The following PAX3 variants were observed in gnomAD, a reference collection of about 807,000 sequenced individuals.
PAX3 encodes the protein paired box protein Pax-3.
A neutral mutation model predicts 51.6 loss-of-function variants in PAX3; 14 were observed. That is an observed-to-expected ratio of 0.27 (90% CI 0.18 to 0.42). The LOEUF (loss-of-function observed/expected upper bound fraction) is 0.42, where lower values mean the gene tolerates loss of function less well. Among genes scored for constraint, PAX3 ranks in the 10% least tolerant of loss-of-function variants. The probability of loss-of-function intolerance (pLI) is 1.00; values close to 1 mark genes in which losing one functional copy is unlikely to be tolerated. For missense variants in PAX3, 540 were observed against 642.8 expected, an observed-to-expected ratio of 0.84 and a Z score of 1.73; for synonymous variants, 280 against 253.4, an observed-to-expected ratio of 1.11 and a Z score of -1.00.
intron 5 of PAX3, among the ~76,000 whole-genome samples, chr2:222,224,421 A>G (rs191003545): frequency 1.3e-4 from 20 of 152,308 alleles, no homozygotes; most frequent in African/African-American, 4.3e-4. Context: ...ATTTTTTATC[A>G]TCTTACCATT....
chr2:222,295,689 C>T, intron 2 of PAX3, 32 bp from the exon 3 acceptor site: 1 of 1,613,468 alleles, frequency 6.2e-7, no homozygotes, highest in South Asian at 1.1e-5. Context: ...GGCGTTGGTA[C>T]CCGGTACCCT....
At chr2:222,230,628 G>A (rs936579537) in intron 5 of PAX3, among the ~76,000 whole-genome samples, 9 of 151,962 alleles carry the variant, frequency 5.9e-5, no homozygotes, top group Admixed American at 2.6e-4. Context: ...AGGCCAAGGC[G>A]GCCAGATCAC....
intron 4 of PAX3, among the ~76,000 whole-genome samples, chr2:222,236,692 A>C (rs1260686789): frequency 6.6e-6 from 1 of 152,228 alleles, no homozygotes; most frequent in Non-Finnish European, 1.5e-5. Flanking sequence ...TGAGTTAATA[A>C]ATTGCCAGGA....
At position 222,201,117 on chromosome 2, in the gene PAX3, G is replaced by A; in HGVS notation, c.*291C>T. ...CTCGATGATCAGCACTAAAGAATTG[G>A]GATGTTTTGATATGTAACCATGTGA... is the stretch of plus-strand genomic sequence containing the variant. On this transcript the variant is annotated 3_prime_UTR_variant, in exon 9 of 9. Coordinates refer to ENST00000392070, the MANE Select transcript of PAX3 (RefSeq NM_181458.4). 2.5e-6 allele frequency: 4 copies of A among 1,573,228 alleles called. No homozygotes were observed. Among genetic ancestry groups the A allele is most frequent in the Admixed American group, 1.7e-5 (1 of 59,658 alleles).
chr2:222,223,067 T>C lies in PAX3; in HGVS notation c.793-1680A>G, dbSNP rs188549732. ...AGAGCAATGTTAACAATTTTGCAAC[T>C]TAATTGTAATTCTTAAAGTCAGATC... On this transcript the variant is annotated intron_variant, in intron 5 of 8. Transcript: ENST00000392070. 2.3e-3 allele frequency among the ~76,000 whole-genome samples: 349 copies of C among 152,296 alleles called. 3 individuals are homozygous for C. Among genetic ancestry groups the C allele is most frequent in the East Asian group, 1.7e-3 (9 of 5,176 alleles).
At chr2:222,280,777 C>T (rs955519962) in intron 4 of PAX3, among the ~76,000 whole-genome samples, 2 of 152,190 alleles carry the variant, frequency 1.3e-5, no homozygotes, top group African/African-American at 4.8e-5. Flanking sequence ...GCCTTGAGTT[C>T]CCATCCTGGC....
intron 7 of PAX3, among the ~76,000 whole-genome samples, chr2:222,213,883 A>T (rs555939506): frequency 9.2e-5 from 14 of 152,320 alleles, no homozygotes; most frequent in African/African-American, 2.6e-4. Flanking sequence ...GTCCCAAAAA[A>T]TTAGCTATCT....
At chr2:222,283,156 A>T (rs1439406544) in intron 4 of PAX3, among the ~76,000 whole-genome samples, 1 of 152,378 alleles carries the variant, frequency 6.6e-6, no homozygotes, top group Non-Finnish European at 1.5e-5. Context: ...AACAATCTAC[A>T]TGTTGTTAAA....
intron 4 of PAX3, among the ~76,000 whole-genome samples, chr2:222,275,477 C>T (rs1206743938): frequency 3.3e-5 from 5 of 151,076 alleles, no homozygotes; most frequent in Non-Finnish European, 5.9e-5. Flanking sequence ...GTGCATTTTA[C>T]GTTGTTAATT....
chr2:222,292,800 C>G (rs570047289), intron 4 of PAX3, among the ~76,000 whole-genome samples: 1 of 152,360 alleles, frequency 6.6e-6, no homozygotes, highest in East Asian at 1.9e-4. Context: ...AGGCCTCTGT[C>G]ATAAAGCAAA....
chr2:222,253,347 A>G (rs1294369913), intron 4 of PAX3, among the ~76,000 whole-genome samples: 1 of 152,212 alleles, frequency 6.6e-6, no homozygotes, highest in Non-Finnish European at 1.5e-5. Flanking sequence ...GTGTTGAGGT[A>G]TGAAATGCAT....
intron 4 of PAX3, among the ~76,000 whole-genome samples, chr2:222,243,866 A>AT (rs1693111241): frequency 6.6e-6 from 1 of 152,200 alleles, no homozygotes; most frequent in Non-Finnish European, 1.5e-5. Flanking sequence ...CTTTTCCTGG[A>AT]GGCAACAGAG....
At chr2:222,271,207 C>T (rs1694240462) in intron 4 of PAX3, among the ~76,000 whole-genome samples, 1 of 152,148 alleles carries the variant, frequency 6.6e-6, no homozygotes, top group Non-Finnish European at 1.5e-5. Context: ...AATCTCTTAA[C>T]CCCAAAGCCT....
chr2:222,268,768 T>G (rs531499200), intron 4 of PAX3, among the ~76,000 whole-genome samples: 1 of 152,150 alleles, frequency 6.6e-6, no homozygotes, highest in African/African-American at 2.4e-5. Context: ...CCAGGAGAGA[T>G]CATGCATATT....
intron 7 of PAX3, among the ~76,000 whole-genome samples, chr2:222,209,833 A>G (rs999661470): frequency 4.7e-5 from 7 of 150,006 alleles, no homozygotes; most frequent in African/African-American, 1.5e-4. Context: ...CAAGGCTGCA[A>G]TGAGCCATGA....
intron 4 of PAX3, among the ~76,000 whole-genome samples, chr2:222,272,382 T>C (rs569249336): frequency 1.3e-5 from 2 of 152,312 alleles, no homozygotes; most frequent in African/African-American, 2.4e-5. Flanking sequence ...TAAACAAATC[T>C]CTAGGAACAG....
At chr2:222,217,195 A>G (rs1379182164) in intron 7 of PAX3, among the ~76,000 whole-genome samples, 1 of 152,184 alleles carries the variant, frequency 6.6e-6, no homozygotes, top group East Asian at 1.9e-4. Context: ...ACACTTTTTA[A>G]GCAAATTTTT....
At position 222,297,058 on chromosome 2, in the gene PAX3, C is replaced by T. The variant is rs483353059; in HGVS notation, c.241G>A (p.Gly81Ser). Reference sequence around the variant, plus strand: ...CTGCACAGGATCTTGGAGACGCAGCCGTGGGACACGCGCAGCTGGCGCGAG... The same window carrying T: ...CTGCACAGGATCTTGGAGACGCAGCTGTGGGACACGCGCAGCTGGCGCGAG... ...VISRQLRVSH[G>S]CVSKILCRYQ... is the part of the protein sequence containing the mutation. Residue 81 changes from glycine to serine, a missense_variant, in exon 2 of 9, where the codon GGC becomes AGC. By Grantham distance (56) the Gly-to-Ser change is moderately conservative. Transcript: ENST00000392070. 1 of 1,614,038 alleles carries T rather than the reference C, an allele frequency of 6.2e-7. No homozygotes were observed. The highest frequency in any genetic ancestry group is 8.5e-7 in the Non-Finnish European group (1 of 1,180,030).
chr2:222,212,622 A>ATC (rs370867327), intron 7 of PAX3, among the ~76,000 whole-genome samples: 40 of 148,038 alleles, frequency 2.7e-4, no homozygotes, highest in Admixed American at 5.4e-4. Context: ...TGGAAAAACA[A>ATC]ACACACACAC....
Sources: gnomAD v4.1 joint callset for allele counts (sites outside exome capture counted in the v4.1 genomes callset) on GRCh38, gnomAD v4.1.1 for gene constraint, MANE v1.5 for transcripts, NCBI Gene and HGNC (gene_info 2026-07-23, HGNC 2026-07-21) for gene names.